The following ACTR3 variants were observed in gnomAD, a reference collection of about 807,000 sequenced individuals.
ACTR3 encodes actin-related protein 3.
Under a neutral mutation model 56.8 loss-of-function variants are expected in ACTR3, and 12 were observed. The observed-to-expected ratio is 0.21, with a 90% CI of 0.14 to 0.34. ACTR3 has a LOEUF of 0.34. ACTR3 is among the 10% of genes least tolerant of loss of function. The pLI is 1.00. For synonymous variants in ACTR3, 162 were observed against 167.4 expected (o/e 0.97, Z 0.25); for missense variants, 282 against 512.5 (o/e 0.55, Z 4.34).
At chr2:113,926,119 C>G (rs541121544) in intron 3 of ACTR3, among the ~76,000 whole-genome samples, 56 of 152,190 alleles carry the variant, frequency 3.7e-4, no homozygotes, top group Non-Finnish European at 6.9e-4. Flanking sequence ...GCTTAGGCAT[C>G]GCTCAGCTTC....
In ACTR3 at chr2:113,955,758, T is replaced by G. The variant is rs1680198317; in HGVS notation, c.1161+52T>G. ...TTTATTTTATCATTATTATTTTATT[T>G]ATTTTTGAGGTGGACTTTCGCTCTT... On this transcript the variant is annotated intron_variant, in intron 11 of 11. Transcript: ENST00000263238. The G allele has an allele frequency of 3.5e-6, 5 of 1,448,058 alleles. No homozygotes were observed. In the East Asian group the frequency reaches 1.3e-4, roughly 36 times the overall value. The allele number at this position is 1,448,058 out of a possible 1,614,324, so 89.7% of individuals were successfully genotyped here. A position where few individuals can be genotyped will look rare whatever the true frequency, so the allele number is the denominator to read the frequency against.
Position 113,951,709 on chromosome 2 carries a change from C to A in ACTR3, c.952-11C>A, listed in dbSNP as rs531483361. On this transcript the variant is annotated splice_polypyrimidine_tract_variant and intron_variant, in intron 9 of 11. Coordinates refer to ENST00000263238, the MANE Select transcript of ACTR3 (RefSeq NM_005721.5). The stretch of plus-strand genomic sequence containing the variant: ...TCTTTTTAAATATTATATTTATTTT[C>A]TCTCCACTAGAATATTGTCCTCTCT... The A allele has an allele frequency of 8.9e-6, 14 of 1,569,060 alleles. No individual in the cohort carries two copies. The Admixed American group carries it at 1.9e-4, about 22-fold the overall frequency.
chr2:113,907,335 G>C (rs1679214132), intron 1 of ACTR3, among the ~76,000 whole-genome samples: 1 of 152,154 alleles, frequency 6.6e-6, no homozygotes, highest in Non-Finnish European at 1.5e-5. Context: ...CAGTGGGGCA[G>C]TCATAGCTCC....
At chr2:113,946,134 T>C (rs1680015342) in intron 8 of ACTR3, among the ~76,000 whole-genome samples, 1 of 152,208 alleles carries the variant, frequency 6.6e-6, no homozygotes, top group South Asian at 2.1e-4. Context: ...ATAGAACAAT[T>C]TATACTCCTT....
intron 1 of ACTR3, among the ~76,000 whole-genome samples, chr2:113,896,820 T>A (rs984331319): frequency 6.6e-6 from 1 of 152,226 alleles, no homozygotes; most frequent in Admixed American, 6.5e-5. Flanking sequence ...TCTCCACCTA[T>A]GTCATTCAAT....
intron 1 of ACTR3, among the ~76,000 whole-genome samples, chr2:113,899,874 A>G (rs1021299524): frequency 2.0e-5 from 3 of 152,222 alleles, no homozygotes; most frequent in East Asian, 1.9e-4. Context: ...CCTGCCTGGA[A>G]TTCAGATATT....
intron 1 of ACTR3, among the ~76,000 whole-genome samples, chr2:113,898,193 C>T (rs1679043040): frequency 6.6e-6 from 1 of 151,692 alleles, no homozygotes; most frequent in South Asian, 2.1e-4. Context: ...TGTGCTTCTG[C>T]TATAAGCATT....
chr2:113,955,583 G>T, intron 10 of ACTR3, 40 bp from the exon 11 acceptor site: 3 of 1,417,664 alleles, frequency 2.1e-6, no homozygotes, highest in Admixed American at 1.8e-5. Flanking sequence ...GTTGTTATTT[G>T]AATTTACTAT....
intron 3 of ACTR3, among the ~76,000 whole-genome samples, chr2:113,925,377 G>A (rs899645916): frequency 6.6e-6 from 1 of 151,620 alleles, no homozygotes; most frequent in South Asian, 2.1e-4. Context: ...TGTATTTTTA[G>A]TGGAGACGGG....
intron 8 of ACTR3, among the ~76,000 whole-genome samples, chr2:113,946,991 C>T (rs911098748): frequency 1.3e-5 from 2 of 152,116 alleles, no homozygotes; most frequent in Admixed American, 1.3e-4. Flanking sequence ...GGTCATTTAC[C>T]TTTCCTTTTA....
intron 3 of ACTR3, among the ~76,000 whole-genome samples, chr2:113,925,127 C>T (rs34819185): frequency 0.073 from 11,064 of 150,882 alleles, 457 homozygotes; most frequent in African/African-American, 0.1. Context: ...GAACTCCTGA[C>T]CTCAAATGAT....
intron 8 of ACTR3, among the ~76,000 whole-genome samples, chr2:113,949,770 C>T (rs1452832893): frequency 6.6e-6 from 1 of 152,086 alleles, no homozygotes. Flanking sequence ...GCTATGTTGC[C>T]CAGGCTGGTG....
intron 1 of ACTR3, among the ~76,000 whole-genome samples, chr2:113,897,365 G>GT (rs1007993017): frequency 1.3e-5 from 2 of 151,806 alleles, no homozygotes; most frequent in Non-Finnish European, 2.9e-5. Flanking sequence ...AAAAATTCTA[G>GT]TTTTTTTAAA....
intron 3 of ACTR3, among the ~76,000 whole-genome samples, chr2:113,925,902 A>G (rs2104604481): frequency 6.6e-6 from 1 of 152,326 alleles, no homozygotes; most frequent in East Asian, 1.9e-4. Flanking sequence ...ATGGAATTAT[A>G]TTCTGTTGCA....
chr2:113,949,467 A>G (rs1680082691), intron 8 of ACTR3, among the ~76,000 whole-genome samples: 1 of 151,530 alleles, frequency 6.6e-6, no homozygotes, highest in East Asian at 2.1e-4. Context: ...TAATAAATAA[A>G]GGAATAATGT....
chr2:113,951,807 C>A lies in ACTR3; in HGVS notation c.1039C>A (p.Leu347Met), dbSNP rs564774072. ...RDLKRTVDAR[L>M]KLSEELSGGR... Reference sequence around the variant, plus strand: ...TTTGAAAAGAACTGTAGATGCCCGGCTGAAATTAAGTGAGGAATTGAGTGG... The same window carrying A: ...TTTGAAAAGAACTGTAGATGCCCGGATGAAATTAAGTGAGGAATTGAGTGG... The change falls in exon 10 of 12, where the codon CTG (leucine) becomes ATG (methionine). Residue 347 changes from leucine (L) to methionine (M), a missense_variant. By Grantham distance (15) the Leu-to-Met change is conservative. Transcript: ENST00000263238. 1 of 1,613,510 alleles carries A rather than the reference C, an allele frequency of 6.2e-7. No homozygotes were observed. Among genetic ancestry groups the A allele is most frequent in the South Asian group, 1.1e-5 (1 of 91,046 alleles).
rs1574389410 is a variant in ACTR3, at chr2:113,958,243, C to G, written c.*788C>G. 6.6e-6 allele frequency: 1 copy of G among 152,562 alleles called. No individual in the cohort carries two copies. Among genetic ancestry groups the G allele is most frequent in the Non-Finnish European group, 1.5e-5 (1 of 67,990 alleles). 9.5% of individuals were successfully genotyped at this position (152,562 alleles called of 1,614,324 possible). On this transcript the variant is annotated 3_prime_UTR_variant, in exon 12 of 12. Transcript: ENST00000263238. ...AAAGCCTAACATTCTAATAAAGGCA[C>G]AAATTTCTTTTTAATACTTGTTTCA...
intron 8 of ACTR3, among the ~76,000 whole-genome samples, chr2:113,944,151 T>C (rs1187347573): frequency 6.6e-6 from 1 of 152,054 alleles, no homozygotes; most frequent in Admixed American, 6.5e-5. Context: ...TTGATGATCA[T>C]AGGGGAGGCG....
intron 10 of ACTR3, chr2:113,954,300 T>C (rs1680171511): frequency 2.0e-5 from 3 of 147,740 alleles, no homozygotes; most frequent in Non-Finnish European, 4.4e-5. Flanking sequence ...CTGTTTCTCT[T>C]TTAAGTTTCA....
Sources: gnomAD v4.1 joint callset for allele counts (sites outside exome capture counted in the v4.1 genomes callset) on GRCh38, gnomAD v4.1.1 for gene constraint, MANE v1.5 for transcripts, NCBI Gene and HGNC (gene_info 2026-07-23, HGNC 2026-07-21) for gene names.